The following TMPRSS9 variants were observed in gnomAD, a reference collection of about 807,000 sequenced individuals.
TMPRSS9 encodes transmembrane protease serine 9.
In TMPRSS9, 113 loss-of-function variants were observed where a neutral mutation model predicts 111.4. That is an observed-to-expected ratio of 1.01 (90% CI 0.87 to 1.19). TMPRSS9 has a LOEUF of 1.19. Among genes scored for constraint, TMPRSS9 ranks in the 50% most tolerant of loss-of-function variants. The pLI is 0.00. For missense variants in TMPRSS9, 1,803 were observed against 1,513.1 expected, an observed-to-expected ratio of 1.19 and a Z score of -3.18; for synonymous variants, 805 against 659.1, an observed-to-expected ratio of 1.22 and a Z score of -3.39.
At chr19:2,388,124 G>A (rs967094345), upstream of TMPRSS9, among the ~76,000 whole-genome samples, 1 of 152,176 alleles carries the variant, frequency 6.6e-6, no homozygotes, top group Admixed American at 6.6e-5. Flanking sequence ...GGGCGCGGTG[G>A]CTCACGCCGG....
intron 1 of TMPRSS9, among the ~76,000 whole-genome samples, chr19:2,391,589 T>A (rs1035016999): frequency 1.0e-4 from 12 of 119,966 alleles, no homozygotes; most frequent in African/African-American, 3.4e-4. Context: ...CGTGTGTATC[T>A]ATGTGTGCAT....
Position 2,425,217 on chromosome 19 carries a change from C to T in TMPRSS9, c.2933C>T (p.Pro978Leu), listed in dbSNP as rs762861820. 10 of 1,479,804 alleles carry T rather than the reference C, an allele frequency of 6.8e-6. No homozygotes were observed. The highest frequency in any genetic ancestry group is 6.3e-5 in the South Asian group (5 of 79,594). The allele number at this position is 1,479,804 out of a possible 1,614,324, so 91.7% of individuals were successfully genotyped here. A position where few individuals can be genotyped will look rare whatever the true frequency, so the allele number is the denominator to read the frequency against. Reference sequence around the variant, plus strand: ...CTGCCCGAGCCCGCGCCGCGACCCCCGGACGGCACGCGCTGCGTCATCACC... The same window carrying T: ...CTGCCCGAGCCCGCGCCGCGACCCCTGGACGGCACGCGCTGCGTCATCACC... Residue 978 changes from proline (P) to leucine (L), a missense_variant, in exon 16 of 18, where the codon CCG becomes CTG. Transcript: ENST00000648592.
chr19:2,391,901 C>A (rs1024562486), intron 1 of TMPRSS9, among the ~76,000 whole-genome samples: 1 of 151,892 alleles, frequency 6.6e-6, no homozygotes, highest in Non-Finnish European at 1.5e-5. Context: ...GCCACTACGC[C>A]GAGCTAATTT....
intron 9 of TMPRSS9, among the ~76,000 whole-genome samples, chr19:2,412,641 C>T (rs1007960084): frequency 6.6e-6 from 1 of 152,158 alleles, no homozygotes; most frequent in Non-Finnish European, 1.5e-5. Context: ...AGCTTCTGCA[C>T]ATGGGCTGGG....
chr19:2,390,741 T>C (rs1346010096), intron 1 of TMPRSS9, among the ~76,000 whole-genome samples: 4 of 151,726 alleles, frequency 2.6e-5, no homozygotes, highest in Non-Finnish European at 5.9e-5. Flanking sequence ...CAGTCCCAGC[T>C]ACTCAGGAGG....
At chr19:2,393,039 C>T (rs182652216) in intron 1 of TMPRSS9, among the ~76,000 whole-genome samples, 3 of 152,142 alleles carry the variant, frequency 2.0e-5, no homozygotes, top group Admixed American at 2.0e-4. Context: ...CAAAACGGAC[C>T]AGTCAGCTCT....
At chr19:2,421,397 T>G (rs1283046630) in intron 13 of TMPRSS9, among the ~76,000 whole-genome samples, 3 of 151,266 alleles carry the variant, frequency 2.0e-5, no homozygotes, top group Non-Finnish European at 4.4e-5. Flanking sequence ...CACGCCATTC[T>G]CCTGCCTCAG....
chr19:2,409,516 G>A (rs1971051575), intron 8 of TMPRSS9, among the ~76,000 whole-genome samples: 1 of 152,050 alleles, frequency 6.6e-6, no homozygotes, highest in Admixed American at 6.6e-5. Context: ...ATATTGGGTG[G>A]TGTAGTTCCA....
chr19:2,405,034 A>G (rs1035181871), intron 6 of TMPRSS9, among the ~76,000 whole-genome samples: 2 of 152,174 alleles, frequency 1.3e-5, no homozygotes, highest in African/African-American at 2.4e-5. Flanking sequence ...TGTGAAGGAC[A>G]TAAAAGTAGA....
intron 13 of TMPRSS9, 59 bp downstream of exon 14, chr19:2,418,197 C>T (rs1971296451): frequency 1.2e-6 from 2 of 1,602,730 alleles, no homozygotes; most frequent in Non-Finnish European, 1.7e-6. Context: ...CAGCCGTTCA[C>T]CCAGCAGTTC....
intron 1 of TMPRSS9, among the ~76,000 whole-genome samples, chr19:2,371,391 A>G (rs1282790508): frequency 6.6e-6 from 1 of 152,138 alleles, no homozygotes; most frequent in East Asian, 1.9e-4. Flanking sequence ...GTTCCAGGTT[A>G]AAACTGGAAT....
chr19:2,407,438 G>A (rs2145346125), intron 7 of TMPRSS9, among the ~76,000 whole-genome samples: 1 of 151,380 alleles, frequency 6.6e-6, no homozygotes, highest in South Asian at 2.1e-4. Flanking sequence ...GAGGCACGAG[G>A]ATCACTTGAA....
intron 9 of TMPRSS9, among the ~76,000 whole-genome samples, chr19:2,410,777 C>A (rs1304071831): frequency 6.6e-6 from 1 of 152,122 alleles, no homozygotes; most frequent in Non-Finnish European, 1.5e-5. Flanking sequence ...TAAATCCCCC[C>A]CAGCTGCCCT....
intron 17 of TMPRSS9, 54 bp downstream of exon 18, chr19:2,425,547 C>G: frequency 1.4e-6 from 2 of 1,466,776 alleles, no homozygotes; most frequent in African/African-American, 2.8e-5. Context: ...CCGGGGAGGG[C>G]GGGTTCCCGC....
intron 14 of TMPRSS9, among the ~76,000 whole-genome samples, chr19:2,423,077 A>G (rs904982553): frequency 6.6e-6 from 1 of 151,094 alleles, no homozygotes; most frequent in African/African-American, 2.4e-5. Flanking sequence ...AAAAAAAAAA[A>G]TGAAAGCAGG....
Position 2,410,269 on chromosome 19 carries a change from G to A in TMPRSS9, c.1129G>A (p.Glu377Lys), listed in dbSNP as rs567121318. The A allele has an allele frequency of 1.2e-5, 19 of 1,613,990 alleles. No homozygotes were observed. The South Asian group carries it at 1.4e-4, about 12-fold the overall frequency. ...CCCCATTCGGCCAGTGGTCAAGCCA[G>A]AGGTGCTGCAGAAAGCCACTGTGGA... is the stretch of plus-strand genomic sequence containing the variant. Residue 377 changes from glutamate (E) to lysine (K), a missense_variant, in exon 9 of 18, where the codon GAG becomes AAG. Physicochemically the swap from Glu to Lys is moderately conservative, Grantham distance 56. Coordinates refer to ENST00000648592, the Ensembl canonical transcript of TMPRSS9.
exon 8 of TMPRSS9, chr19:2,408,373 A>C: frequency 6.2e-7 from 1 of 1,613,496 alleles, no homozygotes; most frequent in Non-Finnish European, 8.5e-7. Flanking sequence ...GACCCGACGA[A>C]GTGGGTGGCC....
At chr19:2,399,778 T>C (rs1970791115) in intron 4 of TMPRSS9, among the ~76,000 whole-genome samples, 1 of 152,112 alleles carries the variant, frequency 6.6e-6, no homozygotes, top group Non-Finnish European at 1.5e-5. Context: ...AGTGCAATAA[T>C]GAAGTCTTGG....
At chr19:2,395,544 TG>T (rs1970687838) in intron 1 of TMPRSS9, among the ~76,000 whole-genome samples, 1 of 151,508 alleles carries the variant, frequency 6.6e-6, no homozygotes, top group Non-Finnish European at 1.5e-5. Flanking sequence ...CTGGCCAACA[TG>T]GAGAAACCCC....
Sources: gnomAD v4.1 joint callset for allele counts (sites outside exome capture counted in the v4.1 genomes callset) on GRCh38, gnomAD v4.1.1 for gene constraint, MANE v1.5 for transcripts, NCBI Gene and HGNC (gene_info 2026-07-23, HGNC 2026-07-21) for gene names.